The following RBFOX1 variants were observed in gnomAD, a reference collection of about 807,000 sequenced individuals.
The protein encoded by RBFOX1 is RNA binding fox-1 homolog 1, also known as RNA binding protein fox-1 homolog 1.
RBFOX1 carries 8 observed loss-of-function variants against 57.7 expected under a neutral mutation model. That is an observed-to-expected ratio of 0.14 (90% CI 0.08 to 0.25). The LOEUF (loss-of-function observed/expected upper bound fraction) is 0.25. Among genes scored for constraint, RBFOX1 ranks in the 10% least tolerant of loss-of-function variants. RBFOX1 has a pLI of 1.00. For missense variants in RBFOX1, 611 were observed against 548.5 expected (o/e 1.11, Z -1.14); for synonymous variants, 326 against 222.4 (o/e 1.47, Z -4.15).
intron 3 of RBFOX1, among the ~76,000 whole-genome samples, chr16:6,824,896 T>C (rs1050537604): frequency 4.0e-5 from 6 of 151,514 alleles, no homozygotes; most frequent in Non-Finnish European, 8.8e-5. Context: ...TATTGTTGGG[T>C]TCCTGCCATC....
At chr16:5,732,727 A>G (rs143803890) in intron 3 of RBFOX1, among the ~76,000 whole-genome samples, 18 of 152,278 alleles carry the variant, frequency 1.2e-4, no homozygotes, top group Non-Finnish European at 1.9e-4. Context: ...ACAATTATTT[A>G]CTACAAGTCA....
At chr16:6,917,728 C>G (rs138146422) in intron 3 of RBFOX1, among the ~76,000 whole-genome samples, 1 of 152,126 alleles carries the variant, frequency 6.6e-6, no homozygotes, top group Non-Finnish European at 1.5e-5. Context: ...ATGGGAACCT[C>G]GGCATTCCAA....
chr16:6,818,537 TA>T (rs2090610762), intron 3 of RBFOX1, among the ~76,000 whole-genome samples: 4 of 152,368 alleles, frequency 2.6e-5, no homozygotes, highest in African/African-American at 7.2e-5. Context: ...CAAGCTGTTG[TA>T]AGATTTAAAC....
intron 4 of RBFOX1, among the ~76,000 whole-genome samples, chr16:5,950,946 C>T (rs2059507625): frequency 6.6e-6 from 1 of 152,132 alleles, no homozygotes; most frequent in African/African-American, 2.4e-5. Flanking sequence ...CAAAGTTGTA[C>T]AGTGGTGGTG....
chr16:5,888,796 T>TAAA (rs59196477), intron 4 of RBFOX1, among the ~76,000 whole-genome samples: 1 of 99,234 alleles, frequency 1.0e-5, no homozygotes, highest in Non-Finnish European at 2.0e-5. Context: ...AAACTCAGTC[T>TAAA]AAAAAAAAAA....
At chr16:7,140,759 A>T (rs956249040) in intron 4 of RBFOX1, among the ~76,000 whole-genome samples, 2 of 152,154 alleles carry the variant, frequency 1.3e-5, no homozygotes, top group Non-Finnish European at 2.9e-5. Flanking sequence ...GGAAATATTT[A>T]TGGGGAAGGT....
At chr16:5,798,404 C>T (rs751502727) in intron 3 of RBFOX1, among the ~76,000 whole-genome samples, 1 of 152,146 alleles carries the variant, frequency 6.6e-6, no homozygotes, top group African/African-American at 2.4e-5. Flanking sequence ...GATGTTTGAG[C>T]TTTGTTCTAA....
At chr16:6,887,538 T>C (rs748037094) in intron 3 of RBFOX1, among the ~76,000 whole-genome samples, 3 of 151,454 alleles carry the variant, frequency 2.0e-5, no homozygotes, top group African/African-American at 4.8e-5. Flanking sequence ...TATATCTGTT[T>C]ATAGACACAA....
chr16:6,544,569 A>T (rs1248646599), intron 2 of RBFOX1, among the ~76,000 whole-genome samples: 1 of 152,152 alleles, frequency 6.6e-6, no homozygotes, highest in Non-Finnish European at 1.5e-5. Context: ...TTCTCTTAGC[A>T]TTCGATCGTA....
At chr16:5,388,243 G>A (rs142456103) in intron 1 of RBFOX1, among the ~76,000 whole-genome samples, 33 of 152,264 alleles carry the variant, frequency 2.2e-4, no homozygotes, top group African/African-American at 7.2e-4. Context: ...CTGCCTCACC[G>A]TGCTTCTAGA....
chr16:7,388,833 G>C (rs1056852150), intron 4 of RBFOX1, among the ~76,000 whole-genome samples: 2 of 152,080 alleles, frequency 1.3e-5, no homozygotes, highest in African/African-American at 4.8e-5. Context: ...AGGTAGAGAA[G>C]ACAAAGCTAT....
chr16:7,603,729 A>C (rs1039457345), intron 9 of RBFOX1, among the ~76,000 whole-genome samples: 1 of 152,136 alleles, frequency 6.6e-6, no homozygotes, highest in African/African-American at 2.4e-5. Context: ...GAGACGGGGA[A>C]AGGGAAAAAG....
chr16:5,503,891 A>G (rs1044290763), intron 2 of RBFOX1, among the ~76,000 whole-genome samples: 2 of 152,138 alleles, frequency 1.3e-5, no homozygotes, highest in African/African-American at 2.4e-5. Context: ...GCAAACACTC[A>G]TCTACTTTCT....
intron 3 of RBFOX1, among the ~76,000 whole-genome samples, chr16:6,913,992 G>A (rs917329678): frequency 6.6e-6 from 1 of 152,222 alleles, no homozygotes; most frequent in Non-Finnish European, 1.5e-5. Context: ...CATTGCACTT[G>A]ATGAGAATGT....
At chr16:6,361,585 G>A (rs1032364678) in intron 2 of RBFOX1, among the ~76,000 whole-genome samples, 24 of 150,402 alleles carry the variant, frequency 1.6e-4, no homozygotes, top group African/African-American at 5.9e-4. Flanking sequence ...CCAAGATCGC[G>A]CCACTGCATT....
At chr16:5,400,631 ATAGT>A (rs1385666341) in intron 1 of RBFOX1, among the ~76,000 whole-genome samples, 1 of 152,012 alleles carries the variant, frequency 6.6e-6, no homozygotes, top group Non-Finnish European at 1.5e-5. Context: ...TGCCTGGGCC[ATAGT>A]TTAATTTCCC....
intron 5 of RBFOX1, among the ~76,000 whole-genome samples, chr16:7,570,540 T>C (rs2092667615): frequency 1.3e-5 from 2 of 152,206 alleles, no homozygotes; most frequent in Admixed American, 1.3e-4. Context: ...AAGTCATTTA[T>C]CTACGCTTGC....
intron 4 of RBFOX1, among the ~76,000 whole-genome samples, chr16:7,138,916 C>G (rs953871258): frequency 1.3e-5 from 2 of 152,144 alleles, no homozygotes; most frequent in Non-Finnish European, 2.9e-5. Flanking sequence ...TCAAGTAATT[C>G]TTGTGCCTCA....
At position 7,259,034 on chromosome 16, in the gene RBFOX1, G is replaced by T. The variant is rs4786141; in HGVS notation, c.27+206936G>T. On this transcript the variant is annotated intron_variant, in intron 4 of 15. Coordinates refer to ENST00000550418, the MANE Select transcript of RBFOX1 (RefSeq NM_018723.4). ...TGCCCCTCTTCAAACTAGTGATCACGTCTACCTTTGAGAAAACTAGTAGCT... is the reference window on the plus strand; with the variant it reads ...TGCCCCTCTTCAAACTAGTGATCACTTCTACCTTTGAGAAAACTAGTAGCT... Among the ~76,000 whole-genome samples, 12 of 152,024 alleles carry T rather than the reference G, an allele frequency of 7.9e-5. No homozygotes were observed. The East Asian group carries it at 2.1e-3, about 27-fold the overall frequency.
Sources: allele counts gnomAD v4.1 joint callset (sites outside exome capture counted in the v4.1 genomes callset), GRCh38; gene constraint gnomAD v4.1.1; transcripts MANE v1.5; gene names NCBI Gene and HGNC (gene_info 2026-07-23, HGNC 2026-07-21).